RGS7: variants seen among roughly 807,000 people sequenced by gnomAD.
RGS7 encodes regulator of G-protein signaling 7.
Under a neutral mutation model 81.1 loss-of-function variants are expected in RGS7, and 27 were observed. That is an observed-to-expected ratio of 0.33 (90% confidence interval 0.25 to 0.46). RGS7 has a LOEUF of 0.46. Ranked by LOEUF, RGS7 falls within the 20% of genes least tolerant of loss-of-function variation. The pLI, the probability that RGS7 is intolerant of heterozygous loss-of-function variation, is 1.00. For missense variants in RGS7, 396 were observed against 607.4 expected (o/e 0.65, Z 3.66); for synonymous variants, 208 against 207.7 (o/e 1.00, Z -0.01).
chr1:241,182,075 C>T (rs909881729), intron 2 of RGS7, among the ~76,000 whole-genome samples: 4 of 152,132 alleles, frequency 2.6e-5, no homozygotes, highest in South Asian at 2.1e-4. Context: ...AAAGCAGGAA[C>T]ATTTGCCTAA....
At position 241,164,328 on chromosome 1, in the gene RGS7, T is replaced by C. The variant is rs1054987543; in HGVS notation, c.79-65566A>G. 6.6e-6 allele frequency among the ~76,000 whole-genome samples: 1 copy of C among 151,888 alleles called. No homozygotes were observed. Among genetic ancestry groups the C allele is most frequent in the Admixed American group, 6.6e-5 (1 of 15,242 alleles). On this transcript the variant is annotated intron_variant, in intron 2 of 18. Coordinates refer to ENST00000440928, the MANE Select transcript of RGS7 (RefSeq NM_001364886.1). The surrounding 1 kb of genome is among the most constrained non-coding windows in gnomAD (Gnocchi z 4.1). Reference sequence around the variant, plus strand: ...GCATGATTGACTAAACCTTTGGCCATTGGTGGTCAACTTAACCTTCAGCCC... The same window carrying C: ...GCATGATTGACTAAACCTTTGGCCACTGGTGGTCAACTTAACCTTCAGCCC...
chr1:241,210,735 C>T (rs1183432919), intron 2 of RGS7, among the ~76,000 whole-genome samples: 2 of 152,134 alleles, frequency 1.3e-5, no homozygotes, highest in African/African-American at 2.4e-5. Flanking sequence ...AAAAGCAAAG[C>T]TTTCTAGTGG....
chr1:241,024,606 T>C (rs1022350206), intron 3 of RGS7, among the ~76,000 whole-genome samples: 3 of 152,136 alleles, frequency 2.0e-5, no homozygotes, highest in Non-Finnish European at 4.4e-5. Flanking sequence ...AAATCAAATA[T>C]AAATGTCATT....
rs76942251 is a variant in RGS7, at chr1:241,315,563, C to T, written c.78+40136G>A. Among the ~76,000 whole-genome samples, 873 of 152,332 alleles carry T rather than the reference C, an allele frequency of 5.7e-3. 5 individuals carry two copies. The highest frequency in any genetic ancestry group is 0.019 in the African/African-American group (805 of 41,576). ...CCATAAAACCAACAACTCCCACTTA[C>T]TGATTTTCCTGCTCCAAGTTCTAAC... On this transcript the variant is annotated intron_variant, in intron 2 of 18. Transcript: ENST00000440928.
chr1:240,831,630 C>CTTTT (rs767275119), intron 9 of RGS7, among the ~76,000 whole-genome samples: 1 of 135,394 alleles, frequency 7.4e-6, no homozygotes, highest in Admixed American at 7.6e-5. Flanking sequence ...TCCAGACATC[C>CTTTT]TTTTTTTTTT....
At chr1:241,023,733 C>T (rs1288709312) in intron 3 of RGS7, among the ~76,000 whole-genome samples, 1 of 151,744 alleles carries the variant, frequency 6.6e-6, no homozygotes, top group African/African-American at 2.4e-5. Flanking sequence ...CAATGCTTTT[C>T]ATATTGATTG....
intron 2 of RGS7, among the ~76,000 whole-genome samples, chr1:241,342,023 T>C (rs1428172161): frequency 1.3e-5 from 2 of 151,988 alleles, no homozygotes; most frequent in African/African-American, 4.8e-5. Flanking sequence ...TACAGGCCCG[T>C]ACCACCACAC....
intron 3 of RGS7, among the ~76,000 whole-genome samples, chr1:241,088,891 G>A (rs1408134745): frequency 6.6e-6 from 1 of 150,734 alleles, no homozygotes; most frequent in Non-Finnish European, 1.5e-5. Flanking sequence ...GGTGCCTGTA[G>A]TCCCAGCTAC....
Position 240,814,602 on chromosome 1 carries a change from C to T in RGS7, c.845+114G>A, listed in dbSNP as rs1013434368. The T allele has an allele frequency of 8.3e-6, 6 of 721,686 alleles. No individual in the cohort carries two copies. In the African/African-American group the frequency reaches 8.8e-5, roughly 11 times the overall value. 44.7% of individuals were successfully genotyped at this position (721,686 alleles called of 1,614,324 possible). ...AAGGAAAACAAAATCACATTACTTA[C>T]AGGATTCCAATTATCTGTCCCAACT... is the stretch of plus-strand genomic sequence containing the variant. On this transcript the variant is annotated intron_variant, in intron 12 of 18. Transcript: ENST00000440928.
intron 15 of RGS7, among the ~76,000 whole-genome samples, chr1:240,804,791 A>T (rs1688575569): frequency 6.6e-6 from 1 of 152,192 alleles, no homozygotes; most frequent in Admixed American, 6.5e-5. Flanking sequence ...TTATTTCTAC[A>T]TTGGAGACCA....
At chr1:240,999,105 C>T (rs1459188446) in intron 3 of RGS7, among the ~76,000 whole-genome samples, 1 of 152,100 alleles carries the variant, frequency 6.6e-6, no homozygotes, top group Non-Finnish European at 1.5e-5. Context: ...TTGAGCCCAT[C>T]CACTGAGTTT....
chr1:240,967,403 C>A (rs1465706302), intron 4 of RGS7, among the ~76,000 whole-genome samples: 1 of 152,090 alleles, frequency 6.6e-6, no homozygotes, highest in Non-Finnish European at 1.5e-5. Context: ...CGTAGTTACC[C>A]TGTGTGCTGT....
intron 3 of RGS7, among the ~76,000 whole-genome samples, chr1:241,032,857 G>A (rs2060144935): frequency 6.6e-6 from 1 of 152,078 alleles, no homozygotes; most frequent in African/African-American, 2.4e-5. Context: ...TTAATTCATT[G>A]ATACAATCAA....
At chr1:241,044,259 C>G (rs2060791158) in intron 3 of RGS7, among the ~76,000 whole-genome samples, 1 of 151,736 alleles carries the variant, frequency 6.6e-6, no homozygotes, top group African/African-American at 2.4e-5. Flanking sequence ...ATTACAAGTG[C>G]ACACAACCAC....
chr1:241,124,231 G>GAAA (rs55927322), intron 2 of RGS7, among the ~76,000 whole-genome samples: 18 of 136,066 alleles, frequency 1.3e-4, no homozygotes, highest in Admixed American at 8.9e-4. Flanking sequence ...CTCGTCTCTA[G>GAAA]AAAAAAAAAA....
chr1:240,933,091 C>G (rs527351068), intron 5 of RGS7, among the ~76,000 whole-genome samples: 1 of 150,218 alleles, frequency 6.7e-6, no homozygotes, highest in Non-Finnish European at 1.5e-5. Flanking sequence ...ACCGTGTTAG[C>G]CAGGATGGTC....
At chr1:241,155,577 GAA>G (rs58091813) in intron 2 of RGS7, among the ~76,000 whole-genome samples, 2,610 of 116,586 alleles carry the variant, frequency 0.022, 33 homozygotes, top group Non-Finnish European at 0.033. Flanking sequence ...TTGAAAAAAA[GAA>G]AAAAAAAAAA....
At chr1:241,037,912 G>C (rs2060417618) in intron 3 of RGS7, among the ~76,000 whole-genome samples, 1 of 152,166 alleles carries the variant, frequency 6.6e-6, no homozygotes, top group Admixed American at 6.5e-5. Context: ...TAAGGGCTAA[G>C]TTATGAGCAC....
intron 6 of RGS7, among the ~76,000 whole-genome samples, chr1:240,900,335 G>A (rs935735174): frequency 2.0e-5 from 3 of 152,158 alleles, no homozygotes; most frequent in African/African-American, 7.2e-5. Flanking sequence ...CGTTGCTGGC[G>A]AGGAGCTGCA....
Sources: allele counts gnomAD v4.1 joint callset (sites outside exome capture counted in the v4.1 genomes callset), GRCh38; gene constraint gnomAD v4.1.1; non-coding constraint Gnocchi (gnomAD v3.1); transcripts MANE v1.5; gene names NCBI Gene and HGNC (gene_info 2026-07-23, HGNC 2026-07-21).